The following PCDHGB2 variants were observed in gnomAD, a reference collection of about 807,000 sequenced individuals.
The protein encoded by PCDHGB2 is protocadherin gamma-B2.
Under a neutral mutation model 59.3 loss-of-function variants are expected in PCDHGB2, and 55 were observed. The observed-to-expected ratio is 0.93, with a 90% CI of 0.75 to 1.16. The LOEUF is 1.16. PCDHGB2 is among the 50% of genes most tolerant of loss of function. PCDHGB2 has a pLI of 0.00. For missense variants in PCDHGB2, 1,228 were observed against 1,198.5 expected (o/e 1.02, Z -0.36); for synonymous variants, 516 against 512.0 (o/e 1.01, Z -0.11).
chr5:141,366,103 G>T, intron 1 of PCDHGB2: 1 of 1,614,244 alleles, frequency 6.2e-7, no homozygotes, highest in Non-Finnish European at 8.5e-7. Flanking sequence ...TGACCAAGGT[G>T]GTAGCGGTGG....
chr5:141,489,467 C>G lies in PCDHGB2; in HGVS notation c.2422-5340C>G. 1 of 1,614,076 alleles carries G rather than the reference C, an allele frequency of 6.2e-7. No individual in the cohort carries two copies. The highest frequency in any genetic ancestry group is 8.5e-7 in the Non-Finnish European group (1 of 1,180,026). Reference sequence around the variant, plus strand: ...TCTGAGGAGAATGGGCGCTATTTTTCCCTGAGCTTGATGAGTGGTGCCCTG... The same window carrying G: ...TCTGAGGAGAATGGGCGCTATTTTTGCCTGAGCTTGATGAGTGGTGCCCTG... On this transcript the variant is annotated intron_variant, in intron 1 of 3. Transcript: ENST00000522605. The surrounding 1 kb of genome is among the most constrained non-coding windows in gnomAD (Gnocchi z 4.5).
At chr5:141,446,830 A>G (rs1289946397) in intron 1 of PCDHGB2, among the ~76,000 whole-genome samples, 1 of 152,176 alleles carries the variant, frequency 6.6e-6, no homozygotes, top group Non-Finnish European at 1.5e-5. Flanking sequence ...GTAGATCCTT[A>G]TAAGGCTGAG....
chr5:141,479,838 C>T (rs539142918), intron 1 of PCDHGB2, among the ~76,000 whole-genome samples: 1 of 152,298 alleles, frequency 6.6e-6, no homozygotes, highest in African/African-American at 2.4e-5. Context: ...GGTATCCATG[C>T]AAGGTGACTG....
chr5:141,431,648 A>G lies in PCDHGB2; in HGVS notation c.2422-63159A>G. 2 of 1,614,240 alleles carry G rather than the reference A, an allele frequency of 1.2e-6. No individual in the cohort carries two copies. The highest frequency in any genetic ancestry group is 1.7e-6 in the Non-Finnish European group (2 of 1,180,046). On this transcript the variant is annotated intron_variant, in intron 1 of 3. Transcript: ENST00000522605. The surrounding 1 kb of genome is among the most constrained non-coding windows in gnomAD (Gnocchi z 4.8). ...GGCCCAAGTTTTCAAACTAGATTGT[A>G]ATTCAGGGACAATATCAACAATAGG...
chr5:141,466,486 T>C (rs1005010773), intron 1 of PCDHGB2, among the ~76,000 whole-genome samples: 1 of 152,240 alleles, frequency 6.6e-6, no homozygotes, highest in Non-Finnish European at 1.5e-5. Flanking sequence ...GTAGGTCTTC[T>C]TTAATTAGAG....
chr5:141,465,688 G>C (rs1386213425), intron 1 of PCDHGB2, among the ~76,000 whole-genome samples: 1 of 152,086 alleles, frequency 6.6e-6, no homozygotes, highest in African/African-American at 2.4e-5. Context: ...TGACCAGTCT[G>C]CTTTTGCATT....
rs70988800 is a variant in PCDHGB2 at position 141,379,889 on chromosome 5, C to CTTTTTTTTTTTTTTTTTTTTTTTTTTTTT, written c.2421+17335_2421+17363dup. On this transcript the variant is annotated intron_variant, in intron 1 of 3. Coordinates refer to ENST00000522605, the MANE Select transcript of PCDHGB2 (RefSeq NM_018923.3). The stretch of plus-strand genomic sequence containing the variant: ...CTTATTTTATGGTCTGTGAAAGCCT[C>CTTTTTTTTTTTTTTTTTTTTTTTTTTTTT]TTTTTTTTTTTTTTTTTTTTTTTTT... Among the ~76,000 whole-genome samples the CTTTTTTTTTTTTTTTTTTTTTTTTTTTTT allele has an allele frequency of 3.3e-4, 17 of 50,832 alleles. 3 individuals are homozygous for CTTTTTTTTTTTTTTTTTTTTTTTTTTTTT. Among genetic ancestry groups the CTTTTTTTTTTTTTTTTTTTTTTTTTTTTT allele is most frequent in the Non-Finnish European group, 5.0e-4 (13 of 25,882 alleles). 33.3% of individuals were successfully genotyped at this position (50,832 alleles called of 152,430 possible).
chr5:141,396,727 G>T (rs2093426642), intron 1 of PCDHGB2: 1 of 152,114 alleles, frequency 6.6e-6, no homozygotes, highest in Non-Finnish European at 1.5e-5. Flanking sequence ...TACCTGAATT[G>T]ATTGTTGTAA....
At position 141,476,668 on chromosome 5, in the gene PCDHGB2, G is replaced by A; in HGVS notation, c.2422-18139G>A. The A allele has an allele frequency of 6.2e-7, 1 of 1,614,262 alleles. No individual in the cohort carries two copies. Among genetic ancestry groups the A allele is most frequent in the Non-Finnish European group, 8.5e-7 (1 of 1,180,054 alleles). On this transcript the variant is annotated intron_variant, in intron 1 of 3. Transcript: ENST00000522605. This position sits in a 1 kb window ranked among gnomAD's most constrained non-coding sequence, Gnocchi z 7.6. ...GAAATGAATACTTTGCGCTTCGCGT[G>A]CAGACGCGGGAGGACAGCACCAAGT...
rs13178808 is a variant in PCDHGB2 at position 141,491,920 on chromosome 5, G to A, written c.2422-2887G>A. 1.2e-4 allele frequency: 164 copies of A among 1,356,270 alleles called. No individual in the cohort carries two copies. Among genetic ancestry groups the A allele is most frequent in the Non-Finnish European group, 1.5e-4 (155 of 1,015,194 alleles). The allele number at this position is 1,356,270 out of a possible 1,614,324, so 84.0% of individuals were successfully genotyped here. On this transcript the variant is annotated intron_variant, in intron 1 of 3. Transcript: ENST00000522605. This position sits in a 1 kb window ranked among gnomAD's most constrained non-coding sequence, Gnocchi z 6.9. ...ACCGGGGGTGGTGGCGACTGTGGGC[G>A]AGGGGAGGTGGGACCGACCCCCACC...
chr5:141,504,680 A>G (rs912248504), intron 2 of PCDHGB2, among the ~76,000 whole-genome samples: 1 of 150,294 alleles, frequency 6.7e-6, no homozygotes, highest in Non-Finnish European at 1.5e-5. Flanking sequence ...GGGTTCTTGT[A>G]AAATAGGAGG....
intron 1 of PCDHGB2, chr5:141,430,857 A>G: frequency 1.3e-6 from 2 of 1,591,432 alleles, no homozygotes; most frequent in Non-Finnish European, 1.7e-6. Flanking sequence ...CAGATACGCT[A>G]TTCAGTTCCG....
intron 1 of PCDHGB2, chr5:141,420,931 AATC>A: frequency 2.7e-6 from 1 of 369,128 alleles, no homozygotes; most frequent in African/African-American, 2.1e-5. Context: ...AGGTGAGCGT[AATC>A]ATTTCTTCTG....
intron 1 of PCDHGB2, chr5:141,370,244 A>G: frequency 1.6e-6 from 1 of 633,826 alleles, no homozygotes; most frequent in Non-Finnish European, 2.6e-6. Context: ...AGAAAAGTGC[A>G]CTCTCTATCA....
chr5:141,490,910 A>G lies in PCDHGB2; in HGVS notation c.2422-3897A>G. The G allele has an allele frequency of 1.2e-6, 2 of 1,613,652 alleles. No individual in the cohort carries two copies. Among genetic ancestry groups the G allele is most frequent in the African/African-American group, 1.3e-5 (1 of 75,048 alleles). ...TCTCTGCATGTGTTTGTCCTAGACG[A>G]GAATGATAATGCCCCAGCTGTGCTG... On this transcript the variant is annotated intron_variant, in intron 1 of 3. Transcript: ENST00000522605. This position sits in a 1 kb window ranked among gnomAD's most constrained non-coding sequence, Gnocchi z 5.4.
intron 1 of PCDHGB2, chr5:141,408,066 G>T: frequency 7.3e-7 from 1 of 1,364,656 alleles, no homozygotes; most frequent in Non-Finnish European, 9.7e-7. Flanking sequence ...CGGCTGCGCA[G>T]ACCTTTCCCA....
chr5:141,388,372 G>C (rs1040306905), intron 1 of PCDHGB2: 5 of 1,613,966 alleles, frequency 3.1e-6, no homozygotes, highest in Non-Finnish European at 4.2e-6. Context: ...GCGGATATTG[G>C]TAGCAACACA....
At chr5:141,410,351 C>G in intron 1 of PCDHGB2, 1 of 1,614,066 alleles carries the variant, frequency 6.2e-7, no homozygotes. Flanking sequence ...GCGCCTGCGA[C>G]GCTCTCTCAG....
chr5:141,415,588 A>G lies in PCDHGB2; in HGVS notation c.2421+53032A>G, dbSNP rs769216282. 3.3e-5 allele frequency: 53 copies of G among 1,613,874 alleles called. No individual in the cohort carries two copies. Among genetic ancestry groups the G allele is most frequent in the Admixed American group, 3.3e-5 (2 of 59,998 alleles). ...TTTGTTAGATGATTCGAAGTTTCCT[A>G]TAGAGGATACCCCATTGGTTCCAGT... On this transcript the variant is annotated intron_variant, in intron 1 of 3. Transcript: ENST00000522605.
Sources: gnomAD v4.1 joint callset for allele counts (sites outside exome capture counted in the v4.1 genomes callset) on GRCh38, gnomAD v4.1.1 for gene constraint, Gnocchi (gnomAD v3.1) non-coding constraint, MANE v1.5 for transcripts, NCBI Gene and HGNC (gene_info 2026-07-23, HGNC 2026-07-21) for gene names.